PCDHGB3: variants seen among roughly 807,000 people sequenced by gnomAD.
PCDHGB3 encodes the protein protocadherin gamma-B3.
PCDHGB3 carries 40 observed loss-of-function variants against 59.2 expected under a neutral mutation model. That is an observed-to-expected ratio of 0.68 (90% CI 0.52 to 0.88). The LOEUF (loss-of-function observed/expected upper bound fraction) is 0.88. Ranked by LOEUF, PCDHGB3 falls within the 40% of genes least tolerant of loss-of-function variation. The pLI, the probability that PCDHGB3 is intolerant of heterozygous loss-of-function variation, is 0.00. For synonymous variants in PCDHGB3, 581 were observed against 503.6 expected (o/e 1.15, Z -2.06); for missense variants, 1,309 against 1,187.9 (o/e 1.10, Z -1.50).
chr5:141,494,820 AC>A lies in PCDHGB3; in HGVS notation c.2430del (p.Asn810LysfsTer39). 6.2e-7 allele frequency: 1 copy of A among 1,613,988 alleles called. No homozygotes were observed. The highest frequency in any genetic ancestry group is 2.2e-5 in the East Asian group (1 of 44,874). On this transcript the variant is annotated frameshift_variant, in exon 2 of 4. Coordinates refer to ENST00000576222, the MANE Select transcript of PCDHGB3 (RefSeq NM_018924.5). LOFTEE classifies it high-confidence loss of function. ...TTTTCTCCACAGCAAGCCCCGCCCA[AC>A]ACGGACTGGCGTTTCTCTCAGGCCC... ...SGNLQKQAPP[N>X]TDWRFSQAQR...
Position 141,427,920 on chromosome 5 carries a change from C to T in PCDHGB3, c.2415+55111C>T, listed in dbSNP as rs552823212. The T allele has an allele frequency of 3.8e-6, 6 of 1,579,506 alleles. No homozygotes were observed. In the African/African-American group the frequency reaches 4.0e-5, roughly 11 times the overall value. On this transcript the variant is annotated intron_variant, in intron 1 of 3. Transcript: ENST00000576222. The stretch of plus-strand genomic sequence containing the variant: ...GCCCGCGCTCAGCGCCAACATGAGC[C>T]GGCGCATGTTGGTGGGCGACCTCAA...
chr5:141,408,377 C>T (rs1322642798), intron 1 of PCDHGB3: 4 of 1,613,902 alleles, frequency 2.5e-6, no homozygotes, highest in Non-Finnish European at 3.4e-6. Context: ...GCTCAGTGTC[C>T]TGGATGTGTC....
chr5:141,438,368 G>A (rs1216571092), intron 1 of PCDHGB3, among the ~76,000 whole-genome samples: 2 of 151,558 alleles, frequency 1.3e-5, no homozygotes, highest in African/African-American at 4.8e-5. Context: ...GTCATTGAGG[G>A]CAGATATAAT....
In PCDHGB3 at chr5:141,476,780, C is replaced by T. The variant is rs201463036; in HGVS notation, c.2416-18027C>T. On this transcript the variant is annotated intron_variant, in intron 1 of 3. Transcript: ENST00000576222. This position sits in a 1 kb window ranked among gnomAD's most constrained non-coding sequence, Gnocchi z 7.6. ...GCTGACGGCGTTGGACGGAGGGACCCCAGCTCTCTCCGCCAGCCTGCCTAT... is the reference window on the plus strand; with the variant it reads ...GCTGACGGCGTTGGACGGAGGGACCTCAGCTCTCTCCGCCAGCCTGCCTAT... 234 of 1,613,464 alleles carry T rather than the reference C, an allele frequency of 1.5e-4. No individual in the cohort carries two copies. Among genetic ancestry groups the T allele is most frequent in the Non-Finnish European group, 1.9e-4 (227 of 1,180,026 alleles).
At chr5:141,445,895 A>C (rs930350527) in intron 1 of PCDHGB3, among the ~76,000 whole-genome samples, 1 of 152,212 alleles carries the variant, frequency 6.6e-6, no homozygotes, top group Admixed American at 6.5e-5. Context: ...GGAGCTATTA[A>C]AATATTTTAA....
chr5:141,506,847 T>C lies in PCDHGB3; in HGVS notation c.2563+1366T>C, dbSNP rs146737657. ...GAACTGATAGCCCTGCCCTCCAGCA[T>C]GTCTGGAGGACTGGTGGGTAGAGAA... On this transcript the variant is annotated intron_variant, in intron 3 of 3. Coordinates refer to ENST00000576222, the MANE Select transcript of PCDHGB3 (RefSeq NM_018924.5). 3.7e-3 allele frequency among the ~76,000 whole-genome samples: 564 copies of C among 152,318 alleles called. 5 individuals are homozygous for C. Among genetic ancestry groups the C allele is most frequent in the Admixed American group, 0.011 (164 of 15,302 alleles).
intron 2 of PCDHGB3, among the ~76,000 whole-genome samples, chr5:141,502,408 G>A (rs1197275813): frequency 6.6e-6 from 1 of 151,782 alleles, no homozygotes; most frequent in Non-Finnish European, 1.5e-5. Context: ...CCCGAACCTG[G>A]ATTTGCTGGC....
At chr5:141,494,758 T>A (rs370692038) in intron 1 of PCDHGB3, 49 bp from the exon 2 acceptor site, 2 of 1,613,800 alleles carry the variant, frequency 1.2e-6, no homozygotes, top group Admixed American at 3.3e-5. Context: ...CGGGTGACAT[T>A]CTAACTTCTC....
At chr5:141,386,251 C>A (rs2090509345) in intron 1 of PCDHGB3, among the ~76,000 whole-genome samples, 2 of 152,070 alleles carry the variant, frequency 1.3e-5, no homozygotes, top group Admixed American at 1.3e-4. Context: ...GGAAATAACC[C>A]AATCTGGGAT....
chr5:141,430,413 A>G lies in PCDHGB3; in HGVS notation c.2415+57604A>G, dbSNP rs1437560579. ...AAAAAAAAAGCTCACTAAAGTTTCTATTAAAGCGAATACGGTAGATTTCCA... is the reference window on the plus strand; with the variant it reads ...AAAAAAAAAGCTCACTAAAGTTTCTGTTAAAGCGAATACGGTAGATTTCCA... On this transcript the variant is annotated intron_variant, in intron 1 of 3. Coordinates refer to ENST00000576222, the MANE Select transcript of PCDHGB3 (RefSeq NM_018924.5). Among the ~76,000 whole-genome samples the G allele has an allele frequency of 2.0e-5, 3 of 151,870 alleles. No homozygotes were observed. In the South Asian group the frequency reaches 6.2e-4, roughly 31 times the overall value.
Position 141,476,160 on chromosome 5 carries a change from G to A in PCDHGB3, c.2416-18647G>A, listed in dbSNP as rs781765205. 4.3e-6 allele frequency: 7 copies of A among 1,612,858 alleles called. No homozygotes were observed. The highest frequency in any genetic ancestry group is 5.9e-6 in the Non-Finnish European group (7 of 1,179,926). On this transcript the variant is annotated intron_variant, in intron 1 of 3. Coordinates refer to ENST00000576222, the MANE Select transcript of PCDHGB3 (RefSeq NM_018924.5). This position sits in a 1 kb window ranked among gnomAD's most constrained non-coding sequence, Gnocchi z 7.6. ...AGGAGCGGACTGGTAAGCACCGGGA[G>A]GGTAGTGGGAGTTTTGCTTCTGCTT...
chr5:141,480,145 C>A (rs1331658762), intron 1 of PCDHGB3, among the ~76,000 whole-genome samples: 1 of 151,968 alleles, frequency 6.6e-6, no homozygotes, highest in Non-Finnish European at 1.5e-5. Context: ...CAATTATTAG[C>A]CAGCTCCTAG....
chr5:141,403,333 C>G (rs376895778), intron 1 of PCDHGB3: 1 of 1,613,984 alleles, frequency 6.2e-7, no homozygotes, highest in South Asian at 1.1e-5. Context: ...CTGATATTAA[C>G]GACAGCGCCC....
rs762926348 is a variant in PCDHGB3, at chr5:141,408,364, A to C, written c.2415+35555A>C. ...TGGTGGGGAACCTCGCTAAGGATCTAGGGCTCAGTGTCCTGGATGTGTCGG... is the reference window on the plus strand; with the variant it reads ...TGGTGGGGAACCTCGCTAAGGATCTCGGGCTCAGTGTCCTGGATGTGTCGG... On this transcript the variant is annotated intron_variant, in intron 1 of 3. Transcript: ENST00000576222. 3.7e-6 allele frequency: 6 copies of C among 1,613,960 alleles called. No individual in the cohort carries two copies. In the East Asian group the frequency reaches 1.3e-4, roughly 36 times the overall value.
At position 141,432,458 on chromosome 5, in the gene PCDHGB3, C is replaced by T. The variant is rs1368524835; in HGVS notation, c.2415+59649C>T. 1.9e-6 allele frequency: 3 copies of T among 1,614,136 alleles called. No individual in the cohort carries two copies. The highest frequency in any genetic ancestry group is 8.5e-7 in the Non-Finnish European group (1 of 1,180,066). ...TGCGCCCGAGATCCTGTACCCCGCC[C>T]TCCCCACGGACGGTTCCACTGGCGT... On this transcript the variant is annotated intron_variant, in intron 1 of 3. Transcript: ENST00000576222. This position sits in a 1 kb window ranked among gnomAD's most constrained non-coding sequence, Gnocchi z 6.0.
At chr5:141,389,093 G>A in intron 1 of PCDHGB3, 1 of 1,614,018 alleles carries the variant, frequency 6.2e-7, no homozygotes, top group Non-Finnish European at 8.5e-7. Flanking sequence ...ATAAATTAGT[G>A]ACAGATGCTG....
Position 141,375,274 on chromosome 5 carries a change from A to C in PCDHGB3, c.2415+2465A>C, listed in dbSNP as rs773661979. On this transcript the variant is annotated intron_variant, in intron 1 of 3. Transcript: ENST00000576222. ...GTCTCCCATTTGAATTGGAAAAATC[A>C]GTTGGCAATTATTATCGATTAGTGA... 9 of 1,613,898 alleles carry C rather than the reference A, an allele frequency of 5.6e-6. No individual in the cohort carries two copies. In the East Asian group the frequency reaches 2.0e-4, roughly 36 times the overall value.
intron 1 of PCDHGB3, chr5:141,410,309 T>G: frequency 6.2e-7 from 1 of 1,613,998 alleles, no homozygotes; most frequent in Non-Finnish European, 8.5e-7. Flanking sequence ...CTCAGTGCTC[T>G]TCCTCCTCGC....
chr5:141,395,542 TTGTGTGTGTGTGTGTGTGTGTGTGTG>T lies in PCDHGB3; in HGVS notation c.2415+22757_2415+22782del, dbSNP rs55729045. 7.0e-5 allele frequency: 12 copies of T among 172,630 alleles called. No homozygotes were observed. In the South Asian group the frequency reaches 8.7e-4, roughly 12 times the overall value. 10.7% of individuals were successfully genotyped at this position (172,630 alleles called of 1,614,324 possible). ...TCCATACTGGTAATTTTGCTATTGTTTGTGTGTGTGTGTGTGTGTGTGTGTGTGTGTGTGTGTGTGTGTGTGTGTAT... is the reference window on the plus strand; with the variant it reads ...TCCATACTGGTAATTTTGCTATTGTTTGTGTGTGTGTGTGTGTGTGTGTAT... On this transcript the variant is annotated intron_variant, in intron 1 of 3. Coordinates refer to ENST00000576222, the MANE Select transcript of PCDHGB3 (RefSeq NM_018924.5).
Sources: allele counts gnomAD v4.1 joint callset (sites outside exome capture counted in the v4.1 genomes callset), GRCh38; gene constraint gnomAD v4.1.1; non-coding constraint Gnocchi (gnomAD v3.1); transcripts MANE v1.5; gene names NCBI Gene and HGNC (gene_info 2026-07-23, HGNC 2026-07-21).